Variants in ZNF43 observed in about 807,000 individuals in gnomAD.
ZNF43 encodes zinc finger protein 43.
In ZNF43, 44 loss-of-function variants were observed where a neutral mutation model predicts 68.4. The observed-to-expected ratio is 0.64, with a 90% CI of 0.51 to 0.83. The LOEUF (loss-of-function observed/expected upper bound fraction) is 0.83, where lower values mean the gene tolerates loss of function less well. Among genes scored for constraint, ZNF43 ranks in the 40% least tolerant of loss-of-function variants. ZNF43 has a pLI of 0.00. For synonymous variants in ZNF43, 308 were observed against 307.8 expected, an observed-to-expected ratio of 1.00 and a Z score of -0.01; for missense variants, 896 against 933.2, an observed-to-expected ratio of 0.96 and a Z score of 0.52.
intron 1 of ZNF43, among the ~76,000 whole-genome samples, chr19:21,831,332 T>C (rs1203472180): frequency 6.6e-6 from 1 of 152,158 alleles, no homozygotes; most frequent in African/African-American, 2.4e-5. Flanking sequence ...GAAAACCCTA[T>C]AGCCTCAGCA....
At chr19:21,813,946 T>C (rs1464774333) in intron 3 of ZNF43, among the ~76,000 whole-genome samples, 1 of 152,088 alleles carries the variant, frequency 6.6e-6, no homozygotes, top group Non-Finnish European at 1.5e-5. Flanking sequence ...AAATTATTTG[T>C]AGAGAGGGAA....
At chr19:21,850,416 C>T (rs894669742) in intron 1 of ZNF43, among the ~76,000 whole-genome samples, 1 of 152,092 alleles carries the variant, frequency 6.6e-6, no homozygotes, top group African/African-American at 2.4e-5. Flanking sequence ...AAAAATTAGC[C>T]GGGCATGGTG....
rs139193549 is a variant in ZNF43 at position 21,811,388 on chromosome 19, A to G, written c.230-1581T>C. 2.6e-3 allele frequency among the ~76,000 whole-genome samples: 398 copies of G among 152,164 alleles called. 2 individuals are homozygous for G. The highest frequency in any genetic ancestry group is 9.4e-3 in the African/African-American group (391 of 41,526). ...TGTCTCTACTAAAATACAAAAAATTAGCTGGGCATGGCTATATGTGCCTGT... is the reference window on the plus strand; with the variant it reads ...TGTCTCTACTAAAATACAAAAAATTGGCTGGGCATGGCTATATGTGCCTGT... On this transcript the variant is annotated intron_variant, in intron 3 of 3. Transcript: ENST00000354959.
chr19:21,826,148 A>C (rs1278634638), intron 1 of ZNF43, among the ~76,000 whole-genome samples: 1 of 152,224 alleles, frequency 6.6e-6, no homozygotes, highest in African/African-American at 2.4e-5. Flanking sequence ...GACTACAGTT[A>C]ATTACATATA....
intron 1 of ZNF43, chr19:21,851,859 CA>C: frequency 6.5e-7 from 1 of 1,543,766 alleles, no homozygotes; most frequent in Middle Eastern, 1.8e-4. Context: ...CCGCCACTTT[CA>C]CAGCCTGCTC....
chr19:21,851,805 C>A (rs1424395555), intron 1 of ZNF43: 12 of 1,311,590 alleles, frequency 9.1e-6, no homozygotes, highest in Non-Finnish European at 1.1e-5. Context: ...GGCGGAGCTG[C>A]GCCAGCGACC....
chr19:21,815,293 G>T (rs2037467777), intron 3 of ZNF43, among the ~76,000 whole-genome samples: 1 of 151,858 alleles, frequency 6.6e-6, no homozygotes, highest in Admixed American at 6.6e-5. Flanking sequence ...TCATTGGCAT[G>T]AACTGTACAG....
At chr19:21,831,189 A>C (rs1473987721) in intron 1 of ZNF43, among the ~76,000 whole-genome samples, 1 of 152,174 alleles carries the variant, frequency 6.6e-6, no homozygotes, top group Non-Finnish European at 1.5e-5. Flanking sequence ...GAAAACTGGC[A>C]CAAGACAAAG....
At chr19:21,825,316 G>A (rs949170532) in intron 1 of ZNF43, among the ~76,000 whole-genome samples, 1 of 152,206 alleles carries the variant, frequency 6.6e-6, no homozygotes, top group Admixed American at 6.5e-5. Context: ...ATTATTGATT[G>A]GATATACATT....
intron 1 of ZNF43, among the ~76,000 whole-genome samples, chr19:21,823,730 G>A (rs1301162992): frequency 6.6e-6 from 1 of 151,934 alleles, no homozygotes; most frequent in East Asian, 1.9e-4. Context: ...ACCACACCTG[G>A]CTAATTTTTT....
intron 3 of ZNF43, among the ~76,000 whole-genome samples, chr19:21,810,116 A>C (rs2037206273): frequency 1.3e-5 from 2 of 152,222 alleles, no homozygotes; most frequent in South Asian, 4.1e-4. Context: ...TAGTGCCTTT[A>C]GAAGTAAATT....
chr19:21,836,347 A>C (rs1226904933), upstream of ZNF43: 1 of 1,010,420 alleles, frequency 9.9e-7, no homozygotes, highest in Non-Finnish European at 1.3e-6. Flanking sequence ...AGAAAGAATG[A>C]CAGCCTAGGC....
At chr19:21,819,024 A>C in intron 2 of ZNF43, 71 bp downstream of exon 2, 3 of 1,544,004 alleles carry the variant, frequency 1.9e-6, no homozygotes, top group Non-Finnish European at 2.6e-6. Flanking sequence ...ATTACCAAAA[A>C]AACAGTCTAC....
At position 21,808,384 on chromosome 19, in the gene ZNF43, T is replaced by C; in HGVS notation, c.1653A>G (p.Ser551=). ...GAATCCTCTTATGTTTGGTAAGGATTGAGAAATGGTTAAAAGCTTTGCCAC... is the reference window on the plus strand; with the variant it reads ...GAATCCTCTTATGTTTGGTAAGGATCGAGAAATGGTTAAAAGCTTTGCCAC... ...EECGKAFNHF[S]ILTKHKRIHT... is the part of the protein sequence containing the mutation. The change falls in exon 4 of 4, where the codon TCA becomes TCG. Residue 551 remains serine (S), a synonymous_variant. Coordinates refer to ENST00000354959, the MANE Select transcript of ZNF43 (RefSeq NM_003423.4). 6.2e-7 allele frequency: 1 copy of C among 1,612,862 alleles called. No homozygotes were observed. Among genetic ancestry groups the C allele is most frequent in the Non-Finnish European group, 8.5e-7 (1 of 1,179,738 alleles).
At chr19:21,832,275 G>C (rs1005341473) in intron 1 of ZNF43, among the ~76,000 whole-genome samples, 2 of 151,802 alleles carry the variant, frequency 1.3e-5, no homozygotes, top group Admixed American at 6.6e-5. Flanking sequence ...CAAGAGAAAT[G>C]TAAAAAAAAA....
Position 21,836,125 on chromosome 19 carries a change from C to T in ZNF43, c.-87G>A. ...AGAGCCACAGAGGCTGGACCTCTAG[C>T]AGCAGAGGACACAGAAGAACGAAGA... On this transcript the variant is annotated 5_prime_UTR_variant, in exon 1 of 4. Coordinates refer to ENST00000354959, the MANE Select transcript of ZNF43 (RefSeq NM_003423.4). The T allele has an allele frequency of 1.9e-6, 3 of 1,605,066 alleles. No homozygotes were observed. Among genetic ancestry groups the T allele is most frequent in the South Asian group, 2.2e-5 (2 of 90,350 alleles).
chr19:21,824,069 G>A (rs2037987691), intron 1 of ZNF43, among the ~76,000 whole-genome samples: 1 of 152,032 alleles, frequency 6.6e-6, no homozygotes, highest in South Asian at 2.1e-4. Context: ...GGTGCCTGTA[G>A]TCCCAGCTAC....
At chr19:21,811,520 G>A (rs1394594199) in intron 3 of ZNF43, among the ~76,000 whole-genome samples, 10 of 149,866 alleles carry the variant, frequency 6.7e-5, no homozygotes, top group Non-Finnish European at 1.5e-4. Context: ...GGGCAACAGA[G>A]CGAGACTCTG....
intron 2 of ZNF43, 74 bp from the exon 3 acceptor site, chr19:21,818,060 A>C: frequency 7.0e-7 from 1 of 1,430,156 alleles, no homozygotes; most frequent in Non-Finnish European, 9.6e-7. Flanking sequence ...TGTGTCCAGT[A>C]TGAAGGGTGT....
Sources: gnomAD v4.1 joint callset for allele counts (sites outside exome capture counted in the v4.1 genomes callset) on GRCh38, gnomAD v4.1.1 for gene constraint, MANE v1.5 for transcripts, NCBI Gene and HGNC (gene_info 2026-07-23, HGNC 2026-07-21) for gene names.